The following NIPBL variants were observed in gnomAD, a reference collection of about 807,000 sequenced individuals.
NIPBL encodes the protein nipped-B-like protein.
A neutral mutation model predicts 321.8 loss-of-function variants in NIPBL; 19 were observed. The ratio of observed to expected loss-of-function variants is 0.06; its 90% CI spans 0.04 to 0.09. NIPBL has a LOEUF of 0.09. NIPBL is among the 10% of genes least tolerant of loss of function. NIPBL has a pLI of 1.00. For synonymous variants in NIPBL, 1,106 were observed against 1,114.1 expected (o/e 0.99, Z 0.14); for missense variants, 2,210 against 3,327.0 (o/e 0.66, Z 8.26).
intron 14 of NIPBL, 40 bp downstream of exon 14, chr5:37,001,118 GTCT>G: frequency 1.5e-6 from 2 of 1,303,326 alleles, no homozygotes; most frequent in Non-Finnish European, 2.2e-6. Flanking sequence ...TACTCTAAGT[GTCT>G]TAACTGTATC....
intron 1 of NIPBL, among the ~76,000 whole-genome samples, chr5:36,897,690 G>A (rs944518204): frequency 2.6e-5 from 4 of 152,160 alleles, no homozygotes; most frequent in African/African-American, 7.2e-5. Context: ...GAGGATTGTG[G>A]TTCAGTAGTT....
intron 32 of NIPBL, among the ~76,000 whole-genome samples, chr5:37,028,333 C>CTTTTTTT (rs10676635): frequency 1.2e-4 from 12 of 102,542 alleles, no homozygotes; most frequent in South Asian, 3.2e-4. Context: ...TTCCATAATA[C>CTTTTTTT]TTTTTTTTTT....
At chr5:37,046,316 T>G in intron 38 of NIPBL, 117 bp downstream of exon 38, 1 of 691,086 alleles carries the variant, frequency 1.4e-6, no homozygotes, top group Admixed American at 2.2e-5. Context: ...CAGTAGGATT[T>G]GGTGTATAGA....
chr5:36,939,322 T>G (rs576706724), intron 1 of NIPBL, among the ~76,000 whole-genome samples: 48 of 152,314 alleles, frequency 3.2e-4, no homozygotes, highest in African/African-American at 1.0e-3. Flanking sequence ...TTTCAGCCCC[T>G]GGCAACCACT....
intron 6 of NIPBL, among the ~76,000 whole-genome samples, chr5:36,968,887 A>AT (rs1742541044): frequency 1.3e-5 from 2 of 152,206 alleles, no homozygotes; most frequent in South Asian, 4.1e-4. Flanking sequence ...AAAAAGTGTC[A>AT]TTTTCAGGTG....
chr5:37,011,232 T>A (rs950736646), intron 21 of NIPBL, among the ~76,000 whole-genome samples: 4 of 152,164 alleles, frequency 2.6e-5, no homozygotes, highest in Non-Finnish European at 5.9e-5. Context: ...TGTGTGTATC[T>A]TTTTGGGAAT....
At position 37,062,780 on chromosome 5, in the gene NIPBL, C is replaced by T. The variant is rs1414559679; in HGVS notation, c.7861-1010C>T. Reference sequence around the variant, plus strand: ...ACAAAAAATACAAACATTAGCCAGACATGGCGGTGTGCACCTGTAGTCCCA... The same window carrying T: ...ACAAAAAATACAAACATTAGCCAGATATGGCGGTGTGCACCTGTAGTCCCA... On this transcript the variant is annotated intron_variant, in intron 45 of 46. Coordinates refer to ENST00000282516, the MANE Select transcript of NIPBL (RefSeq NM_133433.4). 2.0e-5 allele frequency among the ~76,000 whole-genome samples: 3 copies of T among 152,102 alleles called. No individual in the cohort carries two copies. In the East Asian group the frequency reaches 5.8e-4, roughly 29 times the overall value.
chr5:37,005,268 CTT>C (rs1343351413), intron 16 of NIPBL, among the ~76,000 whole-genome samples: 1 of 152,094 alleles, frequency 6.6e-6, no homozygotes, highest in African/African-American at 2.4e-5. Context: ...AGTGCCCTCT[CTT>C]TACTTTTTGC....
intron 4 of NIPBL, among the ~76,000 whole-genome samples, chr5:36,959,634 T>C (rs1324622400): frequency 6.6e-6 from 1 of 152,182 alleles, no homozygotes; most frequent in Non-Finnish European, 1.5e-5. Context: ...AGTATTAGTT[T>C]TATGAGAATG....
chr5:37,003,775 A>G (rs1268527656), intron 16 of NIPBL, among the ~76,000 whole-genome samples: 1 of 152,230 alleles, frequency 6.6e-6, no homozygotes, highest in Non-Finnish European at 1.5e-5. Flanking sequence ...CATTGCTAGT[A>G]GAACTTCACT....
intron 6 of NIPBL, among the ~76,000 whole-genome samples, chr5:36,962,787 T>C (rs1741777460): frequency 6.6e-6 from 1 of 152,182 alleles, no homozygotes; most frequent in Non-Finnish European, 1.5e-5. Flanking sequence ...ACTGTTTACA[T>C]AGCACTTACA....
intron 42 of NIPBL, among the ~76,000 whole-genome samples, chr5:37,056,742 A>G (rs574384083): frequency 2.0e-5 from 3 of 152,296 alleles, no homozygotes; most frequent in South Asian, 2.1e-4. Flanking sequence ...TAGTAGCACA[A>G]TGATATAACT....
At position 36,996,723 on chromosome 5, in the gene NIPBL, T is replaced by G; in HGVS notation, c.3304+919T>G. 1 of 316,012 alleles carries G rather than the reference T, an allele frequency of 3.2e-6. No homozygotes were observed. 19.6% of individuals were successfully genotyped at this position (316,012 alleles called of 1,614,324 possible). ...TTCACTTGTGTGCCAACTGACTTAG[T>G]CATAATGACCAAAAGAAGTGGGAAG... is the stretch of plus-strand genomic sequence containing the variant. On this transcript the variant is annotated intron_variant, in intron 11 of 46. Transcript: ENST00000282516. This position sits in a 1 kb window ranked among gnomAD's most constrained non-coding sequence, Gnocchi z 5.0.
intron 32 of NIPBL, among the ~76,000 whole-genome samples, chr5:37,034,365 C>A (rs767511226): frequency 6.6e-6 from 1 of 152,104 alleles, no homozygotes; most frequent in Non-Finnish European, 1.5e-5. Flanking sequence ...TGCATGTATC[C>A]AATGACCCAG....
chr5:36,953,887 C>CA, intron 2 of NIPBL, 127 bp downstream of exon 2: 1 of 787,610 alleles, frequency 1.3e-6, no homozygotes. Context: ...TGAAACTGCC[C>CA]TTTAAAGAAA....
chr5:37,037,516 G>A (rs1038569210), intron 33 of NIPBL, among the ~76,000 whole-genome samples: 2 of 150,290 alleles, frequency 1.3e-5, no homozygotes, highest in African/African-American at 4.9e-5. Flanking sequence ...ACATTAATGA[G>A]GAACAACGTC....
At chr5:37,044,886 G>A (rs1040667915) in intron 36 of NIPBL, among the ~76,000 whole-genome samples, 157 bp downstream of exon 36, 1 of 152,114 alleles carries the variant, frequency 6.6e-6, no homozygotes. Context: ...AGTGTCTTTT[G>A]TATTTCCTGA....
intron 38 of NIPBL, among the ~76,000 whole-genome samples, chr5:37,046,591 A>C (rs957455185): frequency 6.6e-6 from 1 of 152,254 alleles, no homozygotes; most frequent in South Asian, 2.1e-4. Flanking sequence ...TTGTCACTAC[A>C]GGAAGCTGCC....
At chr5:36,904,253 A>G (rs904136569) in intron 1 of NIPBL, among the ~76,000 whole-genome samples, 8 of 152,180 alleles carry the variant, frequency 5.3e-5, no homozygotes, top group African/African-American at 1.9e-4. Flanking sequence ...GGCTGATCAC[A>G]AGGTCAGGAG....
Sources: allele counts gnomAD v4.1 joint callset (sites outside exome capture counted in the v4.1 genomes callset), GRCh38; gene constraint gnomAD v4.1.1; non-coding constraint Gnocchi (gnomAD v3.1); transcripts MANE v1.5; gene names NCBI Gene and HGNC (gene_info 2026-07-23, HGNC 2026-07-21).